AP3B1: variants seen among roughly 807,000 people sequenced by gnomAD.
AP3B1 encodes adaptor related protein complex 3 subunit beta 1, also known as AP-3 complex subunit beta-1.
AP3B1 carries 61 observed loss-of-function variants against 132.5 expected under a neutral mutation model. That is an observed-to-expected ratio of 0.46 (90% CI 0.37 to 0.57). AP3B1 has a LOEUF of 0.57. AP3B1 is among the 20% of genes least tolerant of loss of function. AP3B1 has a pLI of 0.00. For synonymous variants in AP3B1, 388 were observed against 438.3 expected (o/e 0.89, Z 1.43); for missense variants, 1,120 against 1,289.4 (o/e 0.87, Z 2.01).
chr5:78,096,434 C>T (rs1435780545), intron 21 of AP3B1, among the ~76,000 whole-genome samples: 2 of 152,202 alleles, frequency 1.3e-5, no homozygotes, highest in Admixed American at 1.3e-4. Context: ...GGCCGCCACC[C>T]CGTCTAGGAA....
intron 24 of AP3B1, among the ~76,000 whole-genome samples, chr5:78,032,014 T>A (rs1580260525): frequency 6.6e-6 from 1 of 152,316 alleles, no homozygotes; most frequent in South Asian, 2.1e-4. Flanking sequence ...TATATTTATG[T>A]ATATTGCGCA....
intron 1 of AP3B1, among the ~76,000 whole-genome samples, chr5:78,285,473 C>A (rs903136963): frequency 6.6e-5 from 10 of 152,040 alleles, no homozygotes; most frequent in African/African-American, 2.4e-4. Flanking sequence ...TGACTCTGAC[C>A]TTTTTCTACA....
chr5:78,255,451 A>G (rs1747810498), intron 2 of AP3B1, among the ~76,000 whole-genome samples: 1 of 105,394 alleles, frequency 9.5e-6, no homozygotes, highest in Non-Finnish European at 2.2e-5. Flanking sequence ...GTTGCTATAC[A>G]ATACCAAACA....
chr5:78,228,668 A>G (rs1458303197), intron 3 of AP3B1, among the ~76,000 whole-genome samples: 1 of 152,218 alleles, frequency 6.6e-6, no homozygotes, highest in African/African-American at 2.4e-5. Context: ...TATCCTGGGC[A>G]ACACAGAGAG....
At chr5:78,286,210 A>G (rs1749273074) in intron 1 of AP3B1, among the ~76,000 whole-genome samples, 1 of 152,186 alleles carries the variant, frequency 6.6e-6, no homozygotes, top group Non-Finnish European at 1.5e-5. Context: ...AACCCATTCC[A>G]AGAATAAAGT....
rs1251672360 is a variant in AP3B1, at chr5:78,096,540, G to A, written c.2470+4413C>T. Among the ~76,000 whole-genome samples the A allele has an allele frequency of 6.6e-5, 10 of 151,540 alleles. No homozygotes were observed. The East Asian group carries it at 7.8e-4, about 12-fold the overall frequency. ...TGGAAAGTGAGGAGCGTCTCTGCCCGGCCACCATCCCATCTAGGAAGTGAG... is the reference window on the plus strand; with the variant it reads ...TGGAAAGTGAGGAGCGTCTCTGCCCAGCCACCATCCCATCTAGGAAGTGAG... On this transcript the variant is annotated intron_variant, in intron 21 of 26. Transcript: ENST00000255194.
At chr5:78,122,311 A>G (rs890556558) in intron 17 of AP3B1, among the ~76,000 whole-genome samples, 1 of 151,980 alleles carries the variant, frequency 6.6e-6, no homozygotes, top group African/African-American at 2.4e-5. Flanking sequence ...CTCTCTCACC[A>G]CTCCTATTCA....
At chr5:78,141,062 T>C in intron 15 of AP3B1, 81 bp downstream of exon 15, 6 of 1,324,916 alleles carry the variant, frequency 4.5e-6, no homozygotes, top group South Asian at 1.2e-5. Context: ...GTCAGACTAA[T>C]GAAGGCACAG....
At chr5:78,035,149 CA>C (rs1383298631) in intron 23 of AP3B1, among the ~76,000 whole-genome samples, 1 of 151,834 alleles carries the variant, frequency 6.6e-6, no homozygotes, top group Non-Finnish European at 1.5e-5. Context: ...ATATACAATA[CA>C]GTATTTTTTT....
chr5:78,238,829 A>G (rs1285406247), intron 3 of AP3B1, among the ~76,000 whole-genome samples: 2 of 151,710 alleles, frequency 1.3e-5, no homozygotes, highest in Admixed American at 6.6e-5. Flanking sequence ...GCAGATCAAT[A>G]ATTATATTAA....
intron 22 of AP3B1, among the ~76,000 whole-genome samples, chr5:78,088,539 C>A (rs1294090636): frequency 6.6e-6 from 1 of 152,140 alleles, no homozygotes; most frequent in African/African-American, 2.4e-5. Flanking sequence ...CACTTCTTTT[C>A]TCCCACTTTT....
Position 78,002,595 on chromosome 5 carries a change from T to C in AP3B1, c.*307A>G. The C allele has an allele frequency of 1.7e-6, 1 of 574,044 alleles. No homozygotes were observed. Among genetic ancestry groups the C allele is most frequent in the Non-Finnish European group, 3.1e-6 (1 of 324,580 alleles). 35.6% of individuals were successfully genotyped at this position (574,044 alleles called of 1,614,324 possible). ...AATATCTCATTCATGTCTACCATTG[T>C]CGAAAAAGAGAAGGAAAACGAGGAG... On this transcript the variant is annotated 3_prime_UTR_variant, in exon 27 of 27. Coordinates refer to ENST00000255194, the MANE Select transcript of AP3B1 (RefSeq NM_003664.5).
chr5:78,214,910 T>C (rs1241146413), intron 7 of AP3B1, among the ~76,000 whole-genome samples: 5 of 152,164 alleles, frequency 3.3e-5, no homozygotes, highest in African/African-American at 1.2e-4. Context: ...ATGGATAACA[T>C]AATCATCATT....
chr5:78,110,221 T>G lies in AP3B1; in HGVS notation c.2383A>C (p.Arg795=). The G allele has an allele frequency of 6.2e-7, 1 of 1,605,562 alleles. No homozygotes were observed. Among genetic ancestry groups the G allele is most frequent in the Non-Finnish European group, 8.5e-7 (1 of 1,174,858 alleles). The stretch of plus-strand genomic sequence containing the variant: ...TAATCTCTTACCTTAGTGACTCTTC[T>G]GGATTCAGATTCACTTTCAGGTTCT... ...ESEPESESES[R]RVTKEKEKKT... The change falls in exon 20 of 27, where the codon AGA becomes CGA. Residue 795 remains arginine, a synonymous_variant. Transcript: ENST00000255194.
chr5:78,279,577 C>T (rs577710941), intron 1 of AP3B1, among the ~76,000 whole-genome samples: 3 of 151,870 alleles, frequency 2.0e-5, no homozygotes, highest in South Asian at 2.1e-4. Flanking sequence ...CACCATACTA[C>T]GCTGTCAATT....
At chr5:78,158,886 T>C (rs988542118) in intron 13 of AP3B1, among the ~76,000 whole-genome samples, 1 of 151,986 alleles carries the variant, frequency 6.6e-6, no homozygotes, top group African/African-American at 2.4e-5. Flanking sequence ...TTAGTAGAGA[T>C]GGGGTTTCGC....
intron 22 of AP3B1, among the ~76,000 whole-genome samples, chr5:78,081,860 T>C (rs903220772): frequency 5.3e-5 from 8 of 152,000 alleles, no homozygotes; most frequent in African/African-American, 1.9e-4. Context: ...CCAAACATTT[T>C]AGAGCAAACT....
chr5:78,194,819 CA>C (rs1745013000), intron 7 of AP3B1, among the ~76,000 whole-genome samples: 1 of 152,084 alleles, frequency 6.6e-6, no homozygotes. Flanking sequence ...TCCAAAAATC[CA>C]GACAGAAGTA....
chr5:78,255,864 G>A (rs182276146), intron 2 of AP3B1, among the ~76,000 whole-genome samples: 31 of 152,074 alleles, frequency 2.0e-4, no homozygotes, highest in African/African-American at 6.0e-4. Context: ...TCTTAAAAGC[G>A]TTCAAAAAAT....
Sources: gnomAD v4.1 joint callset for allele counts (sites outside exome capture counted in the v4.1 genomes callset) on GRCh38, gnomAD v4.1.1 for gene constraint, MANE v1.5 for transcripts, NCBI Gene and HGNC (gene_info 2026-07-23, HGNC 2026-07-21) for gene names.